GLIS3: variants seen among roughly 807,000 people sequenced by gnomAD.
GLIS3 encodes the protein GLIS family zinc finger 3, also known as zinc finger protein GLIS3.
GLIS3 carries 53 observed loss-of-function variants against 78.6 expected under a neutral mutation model. That is an observed-to-expected ratio of 0.67 (90% confidence interval 0.54 to 0.85). GLIS3 has a LOEUF of 0.85. GLIS3 is among the 40% of genes least tolerant of loss of function. The pLI is 0.00. For missense variants in GLIS3, 1,703 were observed against 1,231.1 expected, an observed-to-expected ratio of 1.38 and a Z score of -5.74; for synonymous variants, 684 against 509.9, an observed-to-expected ratio of 1.34 and a Z score of -4.60.
chr9:3,901,619 A>C lies in GLIS3; in HGVS notation c.1984-2784T>G, dbSNP rs568411802. ...TATTTCTTGGGTCTCAGAAAGCTTC[A>C]TAAAGAGACAAATGCATGTCCAGGT... is the stretch of plus-strand genomic sequence containing the variant. On this transcript the variant is annotated intron_variant, in intron 6 of 10. Coordinates refer to ENST00000381971, the MANE Select transcript of GLIS3 (RefSeq NM_001042413.2). Among the ~76,000 whole-genome samples, 69 of 152,344 alleles carry C rather than the reference A, an allele frequency of 4.5e-4. 1 individual carries two copies. The highest frequency in any genetic ancestry group is 1.3e-3 in the Admixed American group (20 of 15,310).
the GLIS3 span, among the ~76,000 whole-genome samples, chr9:4,457,125 G>A: frequency 1.3e-5 from 2 of 152,142 alleles, no homozygotes; most frequent in Non-Finnish European, 2.9e-5. Flanking sequence ...AGCTTTGGGA[G>A]GCTGAGGTGG....
chr9:4,212,943 G>A (rs1820500629), intron 2 of GLIS3, among the ~76,000 whole-genome samples: 1 of 152,158 alleles, frequency 6.6e-6, no homozygotes. Context: ...GGGGTTTGCT[G>A]GAGATGAATG....
the GLIS3 span, among the ~76,000 whole-genome samples, chr9:4,448,059 A>G: frequency 1.3e-5 from 2 of 152,278 alleles, no homozygotes; most frequent in East Asian, 1.9e-4. Flanking sequence ...GCCTGTTTCT[A>G]TCTGTACTCT....
At chr9:3,919,768 A>C (rs17750811) in intron 6 of GLIS3, among the ~76,000 whole-genome samples, 1 of 152,070 alleles carries the variant, frequency 6.6e-6, no homozygotes, top group Non-Finnish European at 1.5e-5. Context: ...GAATTTTGGA[A>C]AAGATACTTC....
At chr9:4,436,810 CAAAAAAAAAAAAAA>C in the GLIS3 span, among the ~76,000 whole-genome samples, 1 of 53,592 alleles carries the variant, frequency 1.9e-5, no homozygotes, top group East Asian at 7.3e-4. Context: ...GACTGCATCT[CAAAAAAAAAAAAAA>C]AAAAAAAAAA....
intron 1 of GLIS3, among the ~76,000 whole-genome samples, chr9:4,294,533 A>G (rs575176524): frequency 6.6e-6 from 1 of 152,248 alleles, no homozygotes; most frequent in East Asian, 1.9e-4. Context: ...ATTACAGAAT[A>G]ATAAATGAGA....
intron 6 of GLIS3, among the ~76,000 whole-genome samples, chr9:3,903,505 G>A (rs1421144098): frequency 6.6e-6 from 1 of 152,132 alleles, no homozygotes; most frequent in Non-Finnish European, 1.5e-5. Context: ...CGGCGTTCCT[G>A]GAATCATTCA....
the GLIS3 span, among the ~76,000 whole-genome samples, chr9:4,393,296 A>G: frequency 6.6e-6 from 1 of 152,040 alleles, no homozygotes; most frequent in African/African-American, 2.4e-5. Context: ...TTTATCCCCT[A>G]AGTCATTTGA....
chr9:4,452,391 T>C, the GLIS3 span, among the ~76,000 whole-genome samples: 1 of 152,194 alleles, frequency 6.6e-6, no homozygotes, highest in African/African-American at 2.4e-5. Context: ...ATGTCTCTGT[T>C]TGCAGATGAC....
At chr9:4,482,298 C>T in the GLIS3 span, among the ~76,000 whole-genome samples, 739 of 152,308 alleles carry the variant, frequency 4.9e-3, 9 homozygotes, top group African/African-American at 0.017. Flanking sequence ...TAGATAAGTT[C>T]TTTCCAGCCA....
chr9:4,300,988 A>G (rs1247537166), upstream of GLIS3, among the ~76,000 whole-genome samples: 2 of 152,112 alleles, frequency 1.3e-5, no homozygotes, highest in African/African-American at 4.8e-5. Context: ...TTACCACTCC[A>G]ATATAAATTA....
At chr9:4,018,154 GA>G (rs2130113460) in intron 4 of GLIS3, among the ~76,000 whole-genome samples, 1 of 152,328 alleles carries the variant, frequency 6.6e-6, no homozygotes. Flanking sequence ...AGGAAGGCAG[GA>G]AGAAAGGAAA....
At chr9:4,264,714 T>C (rs1172245494) in intron 2 of GLIS3, among the ~76,000 whole-genome samples, 1 of 152,158 alleles carries the variant, frequency 6.6e-6, no homozygotes, top group Non-Finnish European at 1.5e-5. Context: ...AAACCCATTA[T>C]TCTGCTTTGT....
intron 4 of GLIS3, among the ~76,000 whole-genome samples, chr9:3,981,895 A>T (rs550175712): frequency 2.6e-5 from 4 of 152,248 alleles, no homozygotes; most frequent in South Asian, 2.1e-4. Flanking sequence ...GAGCTACTTC[A>T]AAAGTTTCTG....
chr9:4,480,470 G>T, the GLIS3 span, among the ~76,000 whole-genome samples: 73 of 152,118 alleles, frequency 4.8e-4, no homozygotes, highest in African/African-American at 1.7e-3. Context: ...CAAAGTGCTA[G>T]GATTATAGGC....
intron 2 of GLIS3, among the ~76,000 whole-genome samples, chr9:4,331,224 T>C (rs1473175665): frequency 1.3e-5 from 2 of 152,218 alleles, no homozygotes; most frequent in Non-Finnish European, 2.9e-5. Context: ...TCACAGGCAC[T>C]CCTTGGCTTG....
At chr9:4,416,203 G>C in the GLIS3 span, among the ~76,000 whole-genome samples, 4 of 122,260 alleles carry the variant, frequency 3.3e-5, no homozygotes, top group African/African-American at 1.2e-4. Context: ...AGTGAGCTGA[G>C]ATTGAGCCAC....
At chr9:3,846,684 A>G (rs573343126) in intron 9 of GLIS3, among the ~76,000 whole-genome samples, 1 of 152,318 alleles carries the variant, frequency 6.6e-6, no homozygotes, top group African/African-American at 2.4e-5. Context: ...ATTCCTCACA[A>G]TCCCTCTTCC....
chr9:3,917,574 G>T (rs1248017917), intron 6 of GLIS3, among the ~76,000 whole-genome samples: 1 of 151,742 alleles, frequency 6.6e-6, no homozygotes, highest in African/African-American at 2.4e-5. Flanking sequence ...ATTGTGAAGT[G>T]ACTTCTAAAA....
Sources: allele counts gnomAD v4.1 joint callset (sites outside exome capture counted in the v4.1 genomes callset), GRCh38; gene constraint gnomAD v4.1.1; transcripts MANE v1.5; gene names NCBI Gene and HGNC (gene_info 2026-07-23, HGNC 2026-07-21).